SPATA6L: variants seen among roughly 807,000 people sequenced by gnomAD.
SPATA6L encodes spermatogenesis associated 6 like.
Under a neutral mutation model 49.2 loss-of-function variants are expected in SPATA6L, and 68 were observed. The ratio of observed to expected loss-of-function variants is 1.38; its 90% CI spans 1.14 to 1.69. The LOEUF (loss-of-function observed/expected upper bound fraction) is 1.69. Ranked by LOEUF, SPATA6L falls within the 40% of genes most tolerant of loss-of-function variation. The probability of loss-of-function intolerance (pLI) is 0.00; values close to 1 mark genes in which losing one functional copy is unlikely to be tolerated. For missense variants in SPATA6L, 668 were observed against 464.3 expected, an observed-to-expected ratio of 1.44 and a Z score of -4.03; for synonymous variants, 198 against 165.7, an observed-to-expected ratio of 1.19 and a Z score of -1.50.
intron 9 of SPATA6L, among the ~76,000 whole-genome samples, chr9:4,614,542 G>A (rs551192710): frequency 1.3e-5 from 2 of 152,100 alleles, no homozygotes; most frequent in African/African-American, 2.4e-5. Context: ...TAAAGCCAAC[G>A]GGCAATGTGT....
intron 9 of SPATA6L, among the ~76,000 whole-genome samples, chr9:4,611,925 C>G (rs919819834): frequency 6.6e-6 from 1 of 152,076 alleles, no homozygotes; most frequent in Non-Finnish European, 1.5e-5. Flanking sequence ...CTCACTGCAA[C>G]CTTGAACTCT....
At chr9:4,606,072 T>C (rs1453942799) in intron 9 of SPATA6L, among the ~76,000 whole-genome samples, 1 of 152,044 alleles carries the variant, frequency 6.6e-6, no homozygotes, top group Non-Finnish European at 1.5e-5. Context: ...GAAAATCGGG[T>C]CACTCCCACC....
chr9:4,653,033 T>C (rs952017365), intron 3 of SPATA6L, among the ~76,000 whole-genome samples: 2 of 152,142 alleles, frequency 1.3e-5, no homozygotes, highest in Non-Finnish European at 2.9e-5. Flanking sequence ...AAAATTCTTA[T>C]GGAAACTCAA....
chr9:4,656,256 T>G (rs1327370543), intron 2 of SPATA6L, among the ~76,000 whole-genome samples, 167 bp from the exon 3 acceptor site: 1 of 152,130 alleles, frequency 6.6e-6, no homozygotes, highest in Non-Finnish European at 1.5e-5. Context: ...CTGGGCAACA[T>G]GGTGAAACCC....
At chr9:4,653,980 A>T (rs1837511583) in intron 3 of SPATA6L, among the ~76,000 whole-genome samples, 1 of 152,198 alleles carries the variant, frequency 6.6e-6, no homozygotes, top group Non-Finnish European at 1.5e-5. Flanking sequence ...ATTAAAAAGT[A>T]GGCAAAGGAT....
chr9:4,622,614 G>A, intron 6 of SPATA6L, 104 bp from the exon 7 acceptor site: 2 of 774,604 alleles, frequency 2.6e-6, no homozygotes, highest in Non-Finnish European at 4.2e-6. Flanking sequence ...GATTACACGG[G>A]TTGGAAAAAG....
At chr9:4,644,335 CT>C (rs1423892275) in intron 3 of SPATA6L, among the ~76,000 whole-genome samples, 1 of 150,366 alleles carries the variant, frequency 6.7e-6, no homozygotes, top group Non-Finnish European at 1.5e-5. Context: ...AGAGTGAGAT[CT>C]TGTCTCAAAA....
chr9:4,604,234 T>C lies in SPATA6L; in HGVS notation c.1125A>G (p.Glu375=), dbSNP rs1824130351. The stretch of plus-strand genomic sequence containing the variant: ...ATTTCTTCAGAGGGTAGCTTGGTCT[T>C]TCAATGATATAATTTACTTCAGAGG... The part of the protein sequence containing the change: ...DSTSEVNYII[E]RPSYPLKKYS... Residue 375 remains glutamate (E), a synonymous_variant, in exon 11 of 12, where the codon GAA becomes GAG. Transcript: ENST00000682582. 6.2e-6 allele frequency: 10 copies of C among 1,611,882 alleles called. No homozygotes were observed. The highest frequency in any genetic ancestry group is 8.5e-6 in the Non-Finnish European group (10 of 1,178,498).
At position 4,662,670 on chromosome 9, in the gene SPATA6L, C is replaced by A; in HGVS notation, c.40-634G>T. The A allele has an allele frequency of 6.2e-7, 1 of 1,600,382 alleles. No homozygotes were observed. The highest frequency in any genetic ancestry group is 8.5e-7 in the Non-Finnish European group (1 of 1,179,862). On this transcript the variant is annotated intron_variant, in intron 1 of 11. Coordinates refer to ENST00000682582, the MANE Select transcript of SPATA6L (RefSeq NM_001353486.2). This position sits in a 1 kb window ranked among gnomAD's most constrained non-coding sequence, Gnocchi z 4.9. ...CCGCATGGACTTGAACCCGTCCTTC[C>A]TGGGCATCGCCCTGCGCTCCCTGCT...
chr9:4,634,693 G>T (rs561127052), intron 4 of SPATA6L, among the ~76,000 whole-genome samples: 87 of 152,308 alleles, frequency 5.7e-4, no homozygotes, highest in Non-Finnish European at 1.2e-3. Context: ...CGTCAGGGTT[G>T]CTGTGGGAAT....
At chr9:4,661,029 C>T (rs776755710) in intron 2 of SPATA6L, among the ~76,000 whole-genome samples, 93 of 151,456 alleles carry the variant, frequency 6.1e-4, no homozygotes, top group Admixed American at 1.8e-3. Context: ...AGGGGCCTGT[C>T]GTGGGGTGGG....
chr9:4,647,090 C>A (rs1835565933), intron 3 of SPATA6L, among the ~76,000 whole-genome samples: 1 of 151,696 alleles, frequency 6.6e-6, no homozygotes, highest in African/African-American at 2.4e-5. Flanking sequence ...CATTTCACCT[C>A]CTGAAAAGTA....
chr9:4,658,572 A>G (rs961508935), intron 2 of SPATA6L, among the ~76,000 whole-genome samples: 1 of 152,200 alleles, frequency 6.6e-6, no homozygotes, highest in Non-Finnish European at 1.5e-5. Context: ...TTTTCAACAG[A>G]GCCATAGTGG....
chr9:4,589,913 G>C (rs1401168902), intron 13 of SPATA6L, among the ~76,000 whole-genome samples: 1 of 152,000 alleles, frequency 6.6e-6, no homozygotes, highest in African/African-American at 2.4e-5. Flanking sequence ...TGTTAAATTA[G>C]CTTTGGGAAC....
chr9:4,628,911 C>A (rs1348702198), intron 5 of SPATA6L, 180 bp downstream of exon 5: 2 of 580,638 alleles, frequency 3.4e-6, no homozygotes, highest in African/African-American at 1.9e-5. Context: ...CAAACATACT[C>A]TAATATGACT....
At position 4,625,224 on chromosome 9, in the gene SPATA6L, T is replaced by C. The variant is rs530144759; in HGVS notation, c.669+103A>G. On this transcript the variant is annotated intron_variant, in intron 6 of 11. Coordinates refer to ENST00000682582, the MANE Select transcript of SPATA6L (RefSeq NM_001353486.2). ...TTATTCAATTTGAAGTACCTTTTTATTGAATATTATTCATTTGTTGTTATA... is the reference window on the plus strand; with the variant it reads ...TTATTCAATTTGAAGTACCTTTTTACTGAATATTATTCATTTGTTGTTATA... 249 of 1,460,670 alleles carry C rather than the reference T, an allele frequency of 1.7e-4. No homozygotes were observed. In the Admixed American group the frequency reaches 2.1e-3, roughly 12 times the overall value. 90.5% of individuals were successfully genotyped at this position (1,460,670 alleles called of 1,614,324 possible). A position where few individuals can be genotyped will look rare whatever the true frequency, so the allele number is the denominator to read the frequency against.
At chr9:4,648,591 G>T (rs545683679) in intron 3 of SPATA6L, among the ~76,000 whole-genome samples, 45 of 151,844 alleles carry the variant, frequency 3.0e-4, no homozygotes, top group Non-Finnish European at 5.4e-4. Flanking sequence ...TCCCAGCTAC[G>T]CGGGAGGCTG....
At chr9:4,625,263 T>C in intron 6 of SPATA6L, 64 bp downstream of exon 6, 1 of 1,522,234 alleles carries the variant, frequency 6.6e-7, no homozygotes, top group Non-Finnish European at 8.8e-7. Flanking sequence ...CAACCTTCCT[T>C]TCTTCCACCC....
intron 8 of SPATA6L, 115 bp downstream of exon 8, chr9:4,618,749 C>T: frequency 1.0e-6 from 1 of 960,028 alleles, no homozygotes; most frequent in African/African-American, 1.7e-5. Context: ...TAAACTACAG[C>T]AATTCCACCT....
Sources: gnomAD v4.1 joint callset for allele counts (sites outside exome capture counted in the v4.1 genomes callset) on GRCh38, gnomAD v4.1.1 for gene constraint, Gnocchi (gnomAD v3.1) non-coding constraint, MANE v1.5 for transcripts, NCBI Gene and HGNC (gene_info 2026-07-23, HGNC 2026-07-21) for gene names.